The following MKRN2OS variants were observed in gnomAD, a reference collection of about 807,000 sequenced individuals.
The protein encoded by MKRN2OS is MKRN2 opposite strand.
MKRN2OS carries 17 observed loss-of-function variants against 18.2 expected under a neutral mutation model. The observed-to-expected ratio is 0.93, with a 90% CI of 0.64 to 1.40. The LOEUF is 1.40. MKRN2OS is among the 40% of genes most tolerant of loss of function. The pLI, the probability that MKRN2OS is intolerant of heterozygous loss-of-function variation, is 0.00. For synonymous variants in MKRN2OS, 121 were observed against 108.5 expected (o/e 1.12, Z -0.72); for missense variants, 337 against 283.0 (o/e 1.19, Z -1.37).
chr3:12,554,776 AATATAT>A (rs1282897547), intron 1 of MKRN2OS, among the ~76,000 whole-genome samples: 3 of 152,162 alleles, frequency 2.0e-5, no homozygotes, highest in Non-Finnish European at 4.4e-5. Context: ...AGGAGAAAAT[AATATAT>A]ATGTATTTAC....
downstream of MKRN2OS, among the ~76,000 whole-genome samples, chr3:12,552,164 A>C (rs1405160902): frequency 6.6e-6 from 1 of 151,834 alleles, no homozygotes; most frequent in African/African-American, 2.4e-5. Context: ...CTAAAAATAC[A>C]AAAAATTAGC....
At chr3:12,557,877 G>A (rs2057994739) in intron 1 of MKRN2OS, among the ~76,000 whole-genome samples, 1 of 152,210 alleles carries the variant, frequency 6.6e-6, no homozygotes, top group Non-Finnish European at 1.5e-5. Context: ...AAATGCGACG[G>A]TAATGGATGG....
Position 12,554,541 on chromosome 3 carries a change from A to G in MKRN2OS, n.265-407T>C, listed in dbSNP as rs200411568. Among the ~76,000 whole-genome samples the G allele has an allele frequency of 1.9e-4, 29 of 151,756 alleles. 1 individual carries two copies. The East Asian group carries it at 5.4e-3, about 28-fold the overall frequency. On this transcript the variant is annotated intron_variant and non_coding_transcript_variant, in intron 1 of 1. Transcript: ENST00000447550. ...ATATATTGCCCATGACACAGACCTCAGGAGATCCTGAGAACATGTGCCCGA... is the reference window on the plus strand; with the variant it reads ...ATATATTGCCCATGACACAGACCTCGGGAGATCCTGAGAACATGTGCCCGA...
chr3:12,544,027 G>T (rs775360940), intron 1 of MKRN2OS, among the ~76,000 whole-genome samples: 3 of 152,130 alleles, frequency 2.0e-5, no homozygotes, highest in Non-Finnish European at 4.4e-5. Context: ...TCCTTTCTGC[G>T]TTGGCTGCCT....
chr3:12,548,185 A>T (rs1271915485), upstream of MKRN2OS, among the ~76,000 whole-genome samples: 1 of 152,092 alleles, frequency 6.6e-6, no homozygotes, highest in Non-Finnish European at 1.5e-5. Flanking sequence ...GCGGTGGCTC[A>T]CGCCTGTAAC....
upstream of MKRN2OS, among the ~76,000 whole-genome samples, chr3:12,548,802 C>G (rs1399009231): frequency 1.3e-5 from 2 of 152,132 alleles, no homozygotes; most frequent in Non-Finnish European, 2.9e-5. Flanking sequence ...AATATACCAG[C>G]ATTTTTTTTC....
At chr3:12,554,590 A>C (rs2057953002) in intron 1 of MKRN2OS, among the ~76,000 whole-genome samples, 2 of 152,016 alleles carry the variant, frequency 1.3e-5, no homozygotes, top group African/African-American at 2.4e-5. Context: ...TTGCACAGAC[A>C]CCCTAAAGGG....
At chr3:12,547,698 G>C (rs1177848068), upstream of MKRN2OS, among the ~76,000 whole-genome samples, 1 of 152,086 alleles carries the variant, frequency 6.6e-6, no homozygotes, top group Non-Finnish European at 1.5e-5. Context: ...TTTAACCAAG[G>C]CCTAATTGAT....
chr3:12,546,613 C>T (rs914652612), upstream of MKRN2OS, among the ~76,000 whole-genome samples: 7 of 119,052 alleles, frequency 5.9e-5, no homozygotes, highest in Non-Finnish European at 1.1e-4. Flanking sequence ...CAGAGTCTCA[C>T]TCTTGTCGCC....
At chr3:12,541,527 G>T (rs571744428) in intron 3 of MKRN2OS, among the ~76,000 whole-genome samples, 5 of 151,884 alleles carry the variant, frequency 3.3e-5, no homozygotes, top group African/African-American at 4.8e-5. Flanking sequence ...CCTGAATATT[G>T]TTTTTTTTAA....
Position 12,545,471 on chromosome 3 carries a change from C to T in MKRN2OS, c.-7G>A, listed in dbSNP as rs781026035. On this transcript the variant is annotated 5_prime_UTR_variant, in exon 1 of 4. Coordinates refer to ENST00000564146, the MANE Select transcript of MKRN2OS (RefSeq NM_001195279.2). ...CAGCCTCTGCGCAGTGCATAGCTTT[C>T]GCCTCCTGGAATGCTAGGGGAGGTT... The T allele has an allele frequency of 1.1e-5, 16 of 1,504,832 alleles. No homozygotes were observed. Among genetic ancestry groups the T allele is most frequent in the Middle Eastern group, 2.2e-4 (1 of 4,548 alleles). The allele number at this position is 1,504,832 out of a possible 1,614,324, so 93.2% of individuals were successfully genotyped here. A position where few individuals can be genotyped will look rare whatever the true frequency, so the allele number is the denominator to read the frequency against.
chr3:12,554,916 G>T (rs1203579070), intron 1 of MKRN2OS, among the ~76,000 whole-genome samples: 1 of 152,164 alleles, frequency 6.6e-6, no homozygotes, highest in African/African-American at 2.4e-5. Context: ...ATTGACAGGA[G>T]ACTGAGACTT....
intron 1 of MKRN2OS, among the ~76,000 whole-genome samples, chr3:12,559,601 A>G (rs2058019150): frequency 6.6e-6 from 1 of 152,170 alleles, no homozygotes; most frequent in South Asian, 2.1e-4. Flanking sequence ...AAATGCTAGG[A>G]GTCTCAAACC....
chr3:12,558,533 A>G (rs1393103493), intron 1 of MKRN2OS, among the ~76,000 whole-genome samples: 1 of 151,978 alleles, frequency 6.6e-6, no homozygotes, highest in Non-Finnish European at 1.5e-5. Flanking sequence ...ACAAAACAGT[A>G]CACATTTATG....
chr3:12,544,348 C>T (rs1171015901), intron 1 of MKRN2OS, among the ~76,000 whole-genome samples: 1 of 152,086 alleles, frequency 6.6e-6, no homozygotes, highest in Non-Finnish European at 1.5e-5. Context: ...CTGGGCCGAT[C>T]CTAATCCTAT....
At chr3:12,547,255 C>G (rs1212226587), upstream of MKRN2OS, among the ~76,000 whole-genome samples, 2 of 152,222 alleles carry the variant, frequency 1.3e-5, no homozygotes, top group African/African-American at 4.8e-5. Flanking sequence ...TTTTAAAGCT[C>G]AATATTGGCT....
intron 3 of MKRN2OS, 87 bp downstream of exon 3, chr3:12,541,773 G>A (rs2057817197): frequency 4.4e-6 from 6 of 1,352,816 alleles, no homozygotes; most frequent in Non-Finnish European, 6.0e-6. Context: ...AAGTGCTGCT[G>A]AGTCCTCTGT....
At chr3:12,557,175 A>G in intron 1 of MKRN2OS, 1 of 1,536,846 alleles carries the variant, frequency 6.5e-7, no homozygotes, top group South Asian at 1.2e-5. Context: ...GATCACTTGC[A>G]GGTCAGTGCG....
chr3:12,546,806 G>T (rs1031280069), upstream of MKRN2OS, among the ~76,000 whole-genome samples: 5 of 152,076 alleles, frequency 3.3e-5, no homozygotes, highest in Admixed American at 1.3e-4. Context: ...TCAAACTCCT[G>T]ACCTCAGGTG....
Sources: allele counts gnomAD v4.1 joint callset (sites outside exome capture counted in the v4.1 genomes callset), GRCh38; gene constraint gnomAD v4.1.1; transcripts MANE v1.5; gene names NCBI Gene and HGNC (gene_info 2026-07-23, HGNC 2026-07-21).